The following WWOX variants were observed in gnomAD, a reference collection of about 807,000 sequenced individuals.
The protein encoded by WWOX is WW domain-containing oxidoreductase.
In WWOX, 69 loss-of-function variants were observed where a neutral mutation model predicts 46.2. The observed-to-expected ratio is 1.49, with a 90% CI of 1.23 to 1.82. The LOEUF is 1.82. Among genes scored for constraint, WWOX ranks in the 40% most tolerant of loss-of-function variants. The pLI is 0.00. For missense variants in WWOX, 919 were observed against 542.6 expected, an observed-to-expected ratio of 1.69 and a Z score of -6.89; for synonymous variants, 359 against 202.6, an observed-to-expected ratio of 1.77 and a Z score of -6.56.
intron 5 of WWOX, among the ~76,000 whole-genome samples, chr16:78,250,124 G>C (rs1160616358): frequency 2.6e-5 from 4 of 152,224 alleles, no homozygotes; most frequent in African/African-American, 9.6e-5. Flanking sequence ...CCCTCTCCAA[G>C]ATCAGTTTCC....
At chr16:78,910,496 A>G (rs1181599149) in intron 8 of WWOX, among the ~76,000 whole-genome samples, 1 of 110,384 alleles carries the variant, frequency 9.1e-6, no homozygotes, top group Non-Finnish European at 1.9e-5. Flanking sequence ...AGAGTGTATC[A>G]GGATCTTTTG....
intron 5 of WWOX, among the ~76,000 whole-genome samples, chr16:78,294,294 C>A (rs2079907522): frequency 6.6e-6 from 1 of 152,170 alleles, no homozygotes; most frequent in South Asian, 2.1e-4. Context: ...GCCGGGGTTG[C>A]AGATGCAGAG....
chr16:79,172,264 C>G (rs1287103772), intron 8 of WWOX, among the ~76,000 whole-genome samples: 1 of 152,210 alleles, frequency 6.6e-6, no homozygotes, highest in Non-Finnish European at 1.5e-5. Flanking sequence ...GTATATCCCA[C>G]AGCTTTGCAT....
chr16:78,870,821 C>G (rs1420021650), intron 8 of WWOX, among the ~76,000 whole-genome samples: 2 of 152,132 alleles, frequency 1.3e-5, no homozygotes, highest in Non-Finnish European at 2.9e-5. Flanking sequence ...AGGGTTGTCT[C>G]GAACTCCTGA....
intron 1 of WWOX, among the ~76,000 whole-genome samples, chr16:78,104,231 A>AC (rs2031989143): frequency 1.5e-5 from 2 of 130,124 alleles, no homozygotes; most frequent in Non-Finnish European, 3.2e-5. Flanking sequence ...CTGTGCTCAA[A>AC]ACACACACAC....
At chr16:78,542,440 G>T (rs369759360) in intron 8 of WWOX, among the ~76,000 whole-genome samples, 7 of 152,228 alleles carry the variant, frequency 4.6e-5, no homozygotes, top group Non-Finnish European at 8.8e-5. Context: ...CCCAGTTTGC[G>T]TTTGAATTTG....
chr16:79,012,390 G>T (rs1052671359), intron 8 of WWOX, among the ~76,000 whole-genome samples: 1 of 152,168 alleles, frequency 6.6e-6, no homozygotes, highest in East Asian at 1.9e-4. Context: ...CTGCCACCAC[G>T]CCCAGCTAAT....
At chr16:78,870,174 C>G (rs1047319285) in intron 8 of WWOX, among the ~76,000 whole-genome samples, 1 of 152,178 alleles carries the variant, frequency 6.6e-6, no homozygotes, top group African/African-American at 2.4e-5. Flanking sequence ...GTCTCCTAAC[C>G]CTAAGATCCT....
intron 8 of WWOX, among the ~76,000 whole-genome samples, chr16:78,562,546 C>G (rs548959819): frequency 2.6e-5 from 4 of 152,306 alleles, no homozygotes; most frequent in African/African-American, 9.6e-5. Flanking sequence ...CCATAAATGT[C>G]TGCCCTTGGC....
At chr16:78,695,074 A>G (rs2048070437) in intron 8 of WWOX, among the ~76,000 whole-genome samples, 1 of 152,214 alleles carries the variant, frequency 6.6e-6, no homozygotes, top group African/African-American at 2.4e-5. Context: ...TTATTGATCT[A>G]GACTGCCTGC....
At chr16:78,132,616 G>C (rs2151698290) in intron 4 of WWOX, among the ~76,000 whole-genome samples, 1 of 152,256 alleles carries the variant, frequency 6.6e-6, no homozygotes. Context: ...TCTTGAGATG[G>C]TATGTGCTAA....
At chr16:79,171,203 G>A (rs555833589) in intron 8 of WWOX, among the ~76,000 whole-genome samples, 171 of 152,280 alleles carry the variant, frequency 1.1e-3, no homozygotes, top group African/African-American at 3.6e-3. Context: ...ACAACATAGG[G>A]ACACCCGGGG....
intron 2 of WWOX, 74 bp from the exon 3 acceptor site, chr16:78,109,704 T>A (rs2032373438): frequency 6.5e-7 from 1 of 1,528,186 alleles, no homozygotes; most frequent in South Asian, 1.1e-5. Flanking sequence ...CTGGGAGGGC[T>A]CCTTCCCTTC....
rs369527859 is a variant in WWOX, at chr16:78,945,052, C to T, written c.1057-266556C>T. Among the ~76,000 whole-genome samples the T allele has an allele frequency of 2.6e-4, 40 of 152,150 alleles. No homozygotes were observed. In the South Asian group the frequency reaches 2.9e-3, roughly 11 times the overall value. On this transcript the variant is annotated intron_variant, in intron 8 of 8. Coordinates refer to ENST00000566780, the MANE Select transcript of WWOX (RefSeq NM_016373.4). ...AACATTAGCTGGGCATGGTGGCGTA[C>T]ACCTGTAGTCGCAGGTACTTGGGAG...
chr16:79,103,991 C>G (rs879799658), intron 8 of WWOX, among the ~76,000 whole-genome samples: 12 of 127,620 alleles, frequency 9.4e-5, no homozygotes, highest in Non-Finnish European at 1.7e-4. Context: ...AGTCAGTAAC[C>G]AATCCTGAGC....
chr16:78,442,475 G>A (rs942905679), intron 8 of WWOX, among the ~76,000 whole-genome samples: 25 of 151,974 alleles, frequency 1.6e-4, no homozygotes, highest in African/African-American at 6.0e-4. Context: ...CCCCTCCTGG[G>A]AACTGCCCTC....
At chr16:78,430,958 T>C (rs1375099896) in intron 7 of WWOX, among the ~76,000 whole-genome samples, 2 of 152,244 alleles carry the variant, frequency 1.3e-5, no homozygotes, top group Admixed American at 6.5e-5. Context: ...TTTTGCTTTT[T>C]GTTTTCCATA....
intron 5 of WWOX, among the ~76,000 whole-genome samples, chr16:78,220,992 G>T (rs1474346402): frequency 6.6e-6 from 1 of 152,014 alleles, no homozygotes; most frequent in Admixed American, 6.6e-5. Flanking sequence ...TATGTATTTA[G>T]ATTTTAAAAT....
chr16:78,334,592 C>G (rs927677099), intron 5 of WWOX, among the ~76,000 whole-genome samples: 12 of 151,836 alleles, frequency 7.9e-5, no homozygotes, highest in African/African-American at 2.2e-4. Flanking sequence ...CAAGATATTC[C>G]CAAACAGAAC....
Sources: gnomAD v4.1 joint callset for allele counts (sites outside exome capture counted in the v4.1 genomes callset) on GRCh38, gnomAD v4.1.1 for gene constraint, MANE v1.5 for transcripts, NCBI Gene and HGNC (gene_info 2026-07-23, HGNC 2026-07-21) for gene names.